The following FHIT variants were observed in gnomAD, a reference collection of about 807,000 sequenced individuals.
The protein encoded by FHIT is bis(5'-adenosyl)-triphosphatase.
A neutral mutation model predicts 17.9 loss-of-function variants in FHIT; 19 were observed. The observed-to-expected ratio is 1.06, with a 90% CI of 0.74 to 1.56. FHIT has a LOEUF of 1.56. FHIT is among the 40% of genes most tolerant of loss of function. The pLI is 0.00. For missense variants in FHIT, 248 were observed against 189.2 expected (o/e 1.31, Z -1.82); for synonymous variants, 81 against 69.7 (o/e 1.16, Z -0.81).
At chr3:59,808,097 C>G (rs947981641) in intron 8 of FHIT, among the ~76,000 whole-genome samples, 3 of 152,126 alleles carry the variant, frequency 2.0e-5, no homozygotes, top group Non-Finnish European at 2.9e-5. Context: ...TCCCCTACCC[C>G]CCCAGTCCCT....
chr3:60,850,653 G>A (rs1365754246), intron 3 of FHIT, among the ~76,000 whole-genome samples: 1 of 152,044 alleles, frequency 6.6e-6, no homozygotes, highest in Non-Finnish European at 1.5e-5. Flanking sequence ...CCTGTCCAAA[G>A]TAGATGCACA....
At chr3:60,396,824 G>A (rs975325619) in intron 5 of FHIT, among the ~76,000 whole-genome samples, 1 of 151,912 alleles carries the variant, frequency 6.6e-6, no homozygotes, top group Admixed American at 6.6e-5. Context: ...ATTTCAAAAT[G>A]AAAAAATAGA....
At chr3:60,893,771 G>A (rs1705639509) in intron 3 of FHIT, among the ~76,000 whole-genome samples, 1 of 152,094 alleles carries the variant, frequency 6.6e-6, no homozygotes, top group South Asian at 2.1e-4. Flanking sequence ...ATGCCCATCT[G>A]GGAAACCACC....
intron 4 of FHIT, among the ~76,000 whole-genome samples, chr3:60,629,091 A>C (rs1034962313): frequency 3.9e-5 from 6 of 152,220 alleles, no homozygotes; most frequent in African/African-American, 1.4e-4. Flanking sequence ...GGTAATTCCT[A>C]AACTTTCCGC....
chr3:60,751,883 G>C (rs1575479236), intron 4 of FHIT, among the ~76,000 whole-genome samples: 1 of 151,978 alleles, frequency 6.6e-6, no homozygotes, highest in East Asian at 1.9e-4. Context: ...CCATCAAAAG[G>C]GGATAGGCTA....
At chr3:60,725,404 T>A in intron 4 of FHIT, among the ~76,000 whole-genome samples, 1 of 152,230 alleles carries the variant, frequency 6.6e-6, no homozygotes, top group East Asian at 1.9e-4. Context: ...TTTTGTCTAA[T>A]AATGTTATAG....
At chr3:61,189,187 A>T (rs1009586830) in intron 2 of FHIT, among the ~76,000 whole-genome samples, 4 of 152,082 alleles carry the variant, frequency 2.6e-5, no homozygotes, top group African/African-American at 9.7e-5. Flanking sequence ...GAAAATCCCA[A>T]CGTCTCAGCC....
chr3:60,481,301 T>G (rs912166334), intron 5 of FHIT, among the ~76,000 whole-genome samples: 26 of 151,992 alleles, frequency 1.7e-4, no homozygotes, highest in African/African-American at 6.0e-4. Context: ...CAGACCAACA[T>G]GCAAATTCAG....
chr3:60,170,824 T>C (rs1701388002), intron 5 of FHIT, among the ~76,000 whole-genome samples: 1 of 152,302 alleles, frequency 6.6e-6, no homozygotes, highest in Middle Eastern at 3.4e-3. Context: ...TATAATTTAA[T>C]AGATAAACCT....
chr3:61,020,950 T>C (rs2032390072), intron 3 of FHIT, among the ~76,000 whole-genome samples: 1 of 152,128 alleles, frequency 6.6e-6, no homozygotes, highest in South Asian at 2.1e-4. Context: ...CATTACATAA[T>C]GGTAAAGGGA....
chr3:60,501,634 A>G (rs2034529225), intron 5 of FHIT, among the ~76,000 whole-genome samples: 2 of 152,208 alleles, frequency 1.3e-5, no homozygotes, highest in Admixed American at 1.3e-4. Flanking sequence ...GTGAGAAATC[A>G]TGGCAGAGTC....
At chr3:61,100,478 G>C (rs1476650537) in intron 2 of FHIT, among the ~76,000 whole-genome samples, 1 of 152,122 alleles carries the variant, frequency 6.6e-6, no homozygotes, top group East Asian at 1.9e-4. Context: ...CATTTGGGTT[G>C]GTTCGAAGTC....
chr3:60,971,778 A>G (rs11130802), intron 3 of FHIT, among the ~76,000 whole-genome samples: 39,647 of 151,964 alleles, frequency 0.26, 6,135 homozygotes, highest in East Asian at 0.62. Flanking sequence ...CAGGGCCTGG[A>G]TCCGTTAATT....
At chr3:61,237,942 A>G (rs1418410415) in intron 1 of FHIT, among the ~76,000 whole-genome samples, 1 of 152,102 alleles carries the variant, frequency 6.6e-6, no homozygotes, top group African/African-American at 2.4e-5. Flanking sequence ...CTTATTCTCT[A>G]CAAAGTATAA....
chr3:60,444,195 C>T (rs993339956), intron 5 of FHIT, among the ~76,000 whole-genome samples: 1 of 152,122 alleles, frequency 6.6e-6, no homozygotes, highest in Non-Finnish European at 1.5e-5. Context: ...CAGGAAACAA[C>T]AGGTGCTGGA....
chr3:60,193,916 C>G (rs950148939), intron 5 of FHIT, among the ~76,000 whole-genome samples: 3 of 152,082 alleles, frequency 2.0e-5, no homozygotes, highest in Admixed American at 6.6e-5. Flanking sequence ...GGCTCGCTTT[C>G]CAATCTAAAG....
At chr3:60,714,093 G>A (rs2041614984) in intron 4 of FHIT, among the ~76,000 whole-genome samples, 1 of 152,214 alleles carries the variant, frequency 6.6e-6, no homozygotes, top group Non-Finnish European at 1.5e-5. Context: ...CCATGAGCAG[G>A]TGGGCTTCAT....
intron 5 of FHIT, among the ~76,000 whole-genome samples, chr3:60,487,519 A>G (rs933521412): frequency 1.3e-5 from 2 of 152,190 alleles, no homozygotes; most frequent in African/African-American, 4.8e-5. Flanking sequence ...ACATTCTTTC[A>G]AGATGGTTTG....
intron 4 of FHIT, among the ~76,000 whole-genome samples, chr3:60,618,841 T>C (rs1311260963): frequency 2.6e-5 from 4 of 151,932 alleles, no homozygotes; most frequent in Non-Finnish European, 5.9e-5. Context: ...CTTGACCACT[T>C]TGAAGGAGGT....
Sources: gnomAD v4.1 joint callset for allele counts (sites outside exome capture counted in the v4.1 genomes callset) on GRCh38, gnomAD v4.1.1 for gene constraint, MANE v1.5 for transcripts, NCBI Gene and HGNC (gene_info 2026-07-23, HGNC 2026-07-21) for gene names.